Variants in KPNA3 observed in about 807,000 individuals in gnomAD.
KPNA3 encodes karyopherin subunit alpha 3, also known as importin subunit alpha-4.
Under a neutral mutation model 73.8 loss-of-function variants are expected in KPNA3, and 13 were observed. The observed-to-expected ratio is 0.18, with a 90% confidence interval of 0.11 to 0.28. KPNA3 has a LOEUF of 0.28. Among genes scored for constraint, KPNA3 ranks in the 10% least tolerant of loss-of-function variants. KPNA3 has a pLI of 1.00. For synonymous variants in KPNA3, 186 were observed against 206.9 expected (o/e 0.90, Z 0.87); for missense variants, 360 against 618.1 (o/e 0.58, Z 4.43).
chr13:49,708,226 A>C (rs574250172), intron 12 of KPNA3, among the ~76,000 whole-genome samples: 4 of 152,108 alleles, frequency 2.6e-5, no homozygotes, highest in African/African-American at 9.6e-5. Flanking sequence ...CAATCTCCTG[A>C]CCTCGTGATC....
chr13:49,781,696 T>G (rs1158179624), intron 1 of KPNA3, among the ~76,000 whole-genome samples: 1 of 152,200 alleles, frequency 6.6e-6, no homozygotes, highest in African/African-American at 2.4e-5. Context: ...ATGCCCAAAC[T>G]GTTTCAATTA....
chr13:49,730,556 G>C (rs1395216674), intron 6 of KPNA3, among the ~76,000 whole-genome samples: 3 of 73,436 alleles, frequency 4.1e-5, no homozygotes, highest in South Asian at 4.7e-4. Flanking sequence ...AAAAAAAAAA[G>C]AACAACTGGA....
chr13:49,725,691 G>A (rs1041677374), intron 6 of KPNA3, among the ~76,000 whole-genome samples, 190 bp from the exon 7 acceptor site: 17 of 150,730 alleles, frequency 1.1e-4, no homozygotes, highest in African/African-American at 4.2e-4. Flanking sequence ...TCACCCAGGC[G>A]GGAGTGCAGT....
intron 1 of KPNA3, among the ~76,000 whole-genome samples, chr13:49,786,487 T>A (rs903736223): frequency 1.3e-5 from 2 of 152,186 alleles, no homozygotes; most frequent in African/African-American, 4.8e-5. Context: ...TGGAGAACTT[T>A]TAAAGTTTTT....
intron 1 of KPNA3, among the ~76,000 whole-genome samples, chr13:49,764,265 TCA>T (rs1346641968): frequency 6.6e-6 from 1 of 152,116 alleles, no homozygotes; most frequent in Non-Finnish European, 1.5e-5. Flanking sequence ...CTGGGTTGTT[TCA>T]ATTCTCACTC....
intron 2 of KPNA3, among the ~76,000 whole-genome samples, chr13:49,741,571 A>G (rs1954574571): frequency 6.6e-6 from 1 of 151,098 alleles, no homozygotes; most frequent in Non-Finnish European, 1.5e-5. Context: ...CTCCTGCCTC[A>G]GCCTCCCGAG....
chr13:49,745,046 A>G (rs906191438), intron 2 of KPNA3, among the ~76,000 whole-genome samples: 1 of 152,132 alleles, frequency 6.6e-6, no homozygotes, highest in Non-Finnish European at 1.5e-5. Flanking sequence ...TTGTAAGGAT[A>G]TATTTGGTTA....
intron 1 of KPNA3, among the ~76,000 whole-genome samples, chr13:49,787,730 A>C (rs1011972924): frequency 6.9e-6 from 1 of 144,298 alleles, no homozygotes; most frequent in African/African-American, 2.6e-5. Flanking sequence ...CCCAGGCTGG[A>C]GTGCAGTGGT....
At chr13:49,787,624 A>C (rs552037593) in intron 1 of KPNA3, among the ~76,000 whole-genome samples, 3 of 151,522 alleles carry the variant, frequency 2.0e-5, no homozygotes, top group African/African-American at 4.8e-5. Flanking sequence ...CTCTCGCCTC[A>C]GCCTCCCTTG....
intron 1 of KPNA3, among the ~76,000 whole-genome samples, chr13:49,767,233 A>G (rs1411155159): frequency 1.3e-5 from 2 of 151,834 alleles, no homozygotes; most frequent in Non-Finnish European, 2.9e-5. Flanking sequence ...CCTGGCCAAC[A>G]TGGTGAAACC....
At chr13:49,724,448 C>T (rs927469167) in intron 7 of KPNA3, among the ~76,000 whole-genome samples, 2 of 151,990 alleles carry the variant, frequency 1.3e-5, no homozygotes, top group East Asian at 1.9e-4. Context: ...GGACTACAGG[C>T]GCCCGCCACC....
At chr13:49,703,602 T>G (rs1566330333) in intron 15 of KPNA3, among the ~76,000 whole-genome samples, 2 of 152,212 alleles carry the variant, frequency 1.3e-5, no homozygotes, top group Non-Finnish European at 2.9e-5. Context: ...ATAAAAGATA[T>G]AAAGATTTAA....
chr13:49,739,892 T>A (rs1954557572), intron 2 of KPNA3, among the ~76,000 whole-genome samples: 1 of 152,212 alleles, frequency 6.6e-6, no homozygotes, highest in Admixed American at 6.5e-5. Context: ...ACAAAAATTC[T>A]ATATATGTAT....
chr13:49,777,446 CTA>C (rs906849136), intron 1 of KPNA3, among the ~76,000 whole-genome samples: 2 of 152,166 alleles, frequency 1.3e-5, no homozygotes, highest in African/African-American at 2.4e-5. Flanking sequence ...AAAATCATCT[CTA>C]GATTACTTAT....
At chr13:49,762,096 CGGG>C (rs1566354901) in intron 1 of KPNA3, among the ~76,000 whole-genome samples, 29 of 114,496 alleles carry the variant, frequency 2.5e-4, no homozygotes, top group Admixed American at 1.3e-3. Context: ...ACGCCCCATC[CGGG>C]AGGGAGGTGG....
intron 10 of KPNA3, among the ~76,000 whole-genome samples, chr13:49,715,691 T>C (rs951339875): frequency 3.7e-4 from 57 of 152,306 alleles, no homozygotes; most frequent in South Asian, 6.2e-4. Context: ...CCTTCCCAGA[T>C]ACCAAGGCAA....
rs57342392 is a variant in KPNA3, at chr13:49,759,705, AGGAAGT to A, written c.70-12718_70-12713del. Among the ~76,000 whole-genome samples, 1,453 of 152,268 alleles carry A rather than the reference AGGAAGT, an allele frequency of 9.5e-3. 21 individuals are homozygous for A. Among genetic ancestry groups the A allele is most frequent in the African/African-American group, 0.034 (1,395 of 41,550 alleles). On this transcript the variant is annotated intron_variant, in intron 1 of 16. Coordinates refer to ENST00000261667, the MANE Select transcript of KPNA3 (RefSeq NM_002267.4). ...AATCAAATGCAGCTGCTGATCTGAC[AGGAAGT>A]GGAGCTCGGGTGGTAATACAAGCAA...
In KPNA3 at chr13:49,732,761, C is replaced by G. The variant is rs10450844; in HGVS notation, c.220G>C (p.Glu74Gln). Residue 74 changes from glutamate to glutamine, a missense_variant, in exon 4 of 17, where the codon GAA becomes CAA. Transcript: ENST00000261667. ...ADFKAQNVTLEAILQNATSDN... is the reference protein window; with the variant it reads ...ADFKAQNVTLQAILQNATSDN... ...TAGTAACATACCTGCAATATAGCTT[C>G]TAGGGTTACATTTTGCTTAAAAAGA... is the stretch of plus-strand genomic sequence containing the variant. 2 of 1,575,054 alleles carry G rather than the reference C, an allele frequency of 1.3e-6. No individual in the cohort carries two copies. The highest frequency in any genetic ancestry group is 1.8e-5 in the Admixed American group (1 of 56,892).
intron 1 of KPNA3, among the ~76,000 whole-genome samples, chr13:49,789,260 T>G (rs972473670): frequency 1.1e-4 from 17 of 152,288 alleles, no homozygotes; most frequent in African/African-American, 2.6e-4. Context: ...ATAATCACTC[T>G]TCTTTTTTAC....
Sources: allele counts gnomAD v4.1 joint callset (sites outside exome capture counted in the v4.1 genomes callset), GRCh38; gene constraint gnomAD v4.1.1; transcripts MANE v1.5; gene names NCBI Gene and HGNC (gene_info 2026-07-23, HGNC 2026-07-21).